TPTE: variants seen among roughly 807,000 people sequenced by gnomAD.
TPTE encodes transmembrane phosphatase with tensin homology, also known as putative tyrosine-protein phosphatase TPTE.
In TPTE, 59 loss-of-function variants were observed where a neutral mutation model predicts 84.1. The observed-to-expected ratio is 0.70, with a 90% confidence interval of 0.57 to 0.87. The LOEUF (loss-of-function observed/expected upper bound fraction) is 0.87. Among genes scored for constraint, TPTE ranks in the 40% least tolerant of loss-of-function variants. TPTE has a pLI of 0.00. For missense variants in TPTE, 382 were observed against 659.6 expected (o/e 0.58, Z 4.61); for synonymous variants, 130 against 223.5 (o/e 0.58, Z 3.73).
rs182604365 is a variant in TPTE at position 10,521,651 on chromosome 21, G to T, written c.-254G>T. 1,789 of 147,178 alleles carry T rather than the reference G, an allele frequency of 0.012. No homozygotes were observed. Among genetic ancestry groups the T allele is most frequent in the South Asian group, 0.06 (272 of 4,526 alleles). 9.1% of individuals were successfully genotyped at this position (147,178 alleles called of 1,614,324 possible). On this transcript the variant is annotated 5_prime_UTR_variant, in exon 1 of 24. Coordinates refer to ENST00000618007, the MANE Select transcript of TPTE (RefSeq NM_199261.4). ...AGCGCCGGACTCGCTGCGCCCCGGC[G>T]GCTCTAGGGACCCCCGGCGCCTACA...
At chr21:10,522,728 C>T (rs2074005876) in intron 1 of TPTE, among the ~76,000 whole-genome samples, 1 of 152,308 alleles carries the variant, frequency 6.6e-6, no homozygotes, top group African/African-American at 2.4e-5. Flanking sequence ...TTTTCTTATA[C>T]TCAAAATTTT....
intron 17 of TPTE, among the ~76,000 whole-genome samples, chr21:10,585,917 T>A (rs868629200): frequency 4.2e-3 from 637 of 150,382 alleles, no homozygotes; most frequent in African/African-American, 0.014. Context: ...TCTGCAGAGA[T>A]GTTCCCTTTT....
chr21:10,564,710 C>A (rs2074881553), intron 10 of TPTE, among the ~76,000 whole-genome samples: 1 of 152,306 alleles, frequency 6.6e-6, no homozygotes, highest in African/African-American at 2.4e-5. Flanking sequence ...GTAAATCAAT[C>A]AATGCGATAC....
intron 14 of TPTE, among the ~76,000 whole-genome samples, chr21:10,572,755 G>A (rs1367849483): frequency 6.6e-6 from 1 of 152,306 alleles, no homozygotes; most frequent in Non-Finnish European, 1.5e-5. Flanking sequence ...ACTGCTTTAG[G>A]TGGTTCTACA....
At chr21:10,586,117 G>A (rs548909933) in intron 17 of TPTE, among the ~76,000 whole-genome samples, 191 of 151,696 alleles carry the variant, frequency 1.3e-3, no homozygotes, top group Middle Eastern at 0.01. Flanking sequence ...TACTCCTTGG[G>A]TTAATTTGTT....
At chr21:10,535,893 T>G (rs1405464419) in intron 3 of TPTE, among the ~76,000 whole-genome samples, 1 of 152,298 alleles carries the variant, frequency 6.6e-6, no homozygotes, top group Non-Finnish European at 1.5e-5. Flanking sequence ...CCATGATGGG[T>G]GAAAGTAAAG....
intron 3 of TPTE, among the ~76,000 whole-genome samples, chr21:10,534,099 A>T (rs914192529): frequency 6.6e-6 from 1 of 152,308 alleles, no homozygotes; most frequent in African/African-American, 2.4e-5. Flanking sequence ...TTGTGCTGTT[A>T]GTTTACACAC....
chr21:10,525,095 A>C (rs1457805917), intron 2 of TPTE, among the ~76,000 whole-genome samples: 1 of 152,306 alleles, frequency 6.6e-6, no homozygotes, highest in Non-Finnish European at 1.5e-5. Context: ...TCAGCTCAGG[A>C]AGCCACTCCA....
chr21:10,544,109 A>T (rs2074422684), intron 7 of TPTE, among the ~76,000 whole-genome samples: 1 of 152,304 alleles, frequency 6.6e-6, no homozygotes, highest in African/African-American at 2.4e-5. Context: ...CTGGAAATAA[A>T]TCATAAAGGT....
At chr21:10,528,601 G>A (rs1011805501) in intron 3 of TPTE, among the ~76,000 whole-genome samples, 1 of 152,312 alleles carries the variant, frequency 6.6e-6, no homozygotes, top group African/African-American at 2.4e-5. Flanking sequence ...TTTATAATAA[G>A]CTTCATGTGT....
chr21:10,537,988 T>G (rs2074298634), intron 3 of TPTE, among the ~76,000 whole-genome samples: 1 of 152,310 alleles, frequency 6.6e-6, no homozygotes, highest in Non-Finnish European at 1.5e-5. Flanking sequence ...AGAAGAATGA[T>G]TTTTCTTACT....
intron 1 of TPTE, among the ~76,000 whole-genome samples, chr21:10,522,542 C>T (rs469673): frequency 0.77 from 116,609 of 151,916 alleles, 40,718 homozygotes; most frequent in Non-Finnish European, 0.88. Context: ...TGCGTCTGGA[C>T]GGGCAGCATT....
chr21:10,566,845 CG>C (rs1449938908), intron 10 of TPTE, among the ~76,000 whole-genome samples: 1 of 152,300 alleles, frequency 6.6e-6, no homozygotes, highest in Non-Finnish European at 1.5e-5. Context: ...GGTGTGGTGC[CG>C]GGCACCTGTA....
intron 5 of TPTE, among the ~76,000 whole-genome samples, chr21:10,542,028 A>C (rs2074378757): frequency 6.6e-6 from 1 of 152,306 alleles, no homozygotes; most frequent in African/African-American, 2.4e-5. Context: ...GAACATAAGG[A>C]GCTAATGGAG....
intron 23 of TPTE, among the ~76,000 whole-genome samples, chr21:10,604,716 A>G (rs1979058765): frequency 6.6e-6 from 1 of 152,308 alleles, no homozygotes. Flanking sequence ...CTGCTCCTCA[A>G]AAGTGGTTCT....
At chr21:10,599,339 C>T (rs1489988710) in intron 21 of TPTE, among the ~76,000 whole-genome samples, 2 of 152,312 alleles carry the variant, frequency 1.3e-5, no homozygotes, top group African/African-American at 4.8e-5. Flanking sequence ...GTCTCCTTAC[C>T]CTTTCTTTCT....
chr21:10,565,492 A>T (rs919518539), intron 10 of TPTE, among the ~76,000 whole-genome samples: 3 of 152,306 alleles, frequency 2.0e-5, no homozygotes, highest in Admixed American at 2.0e-4. Flanking sequence ...TCTTCACAGA[A>T]ATAGAAGAAA....
At chr21:10,581,913 T>G (rs566053001) in intron 17 of TPTE, among the ~76,000 whole-genome samples, 1 of 152,426 alleles carries the variant, frequency 6.6e-6, no homozygotes, top group East Asian at 1.9e-4. Context: ...TTTTGTATTT[T>G]TTATAGAGAC....
chr21:10,535,906 G>A (rs2074257898), intron 3 of TPTE, among the ~76,000 whole-genome samples: 2 of 152,428 alleles, frequency 1.3e-5, no homozygotes, highest in South Asian at 4.1e-4. Flanking sequence ...AAGTAAAGAA[G>A]TGACAGAAGG....
Sources: gnomAD v4.1 joint callset for allele counts (sites outside exome capture counted in the v4.1 genomes callset) on GRCh38, gnomAD v4.1.1 for gene constraint, MANE v1.5 for transcripts, NCBI Gene and HGNC (gene_info 2026-07-23, HGNC 2026-07-21) for gene names.